Variants in TBC1D5 observed in about 807,000 individuals in gnomAD.
The protein encoded by TBC1D5 is TBC1 domain family member 5.
A neutral mutation model predicts 100.3 loss-of-function variants in TBC1D5; 75 were observed. That is an observed-to-expected ratio of 0.75 (90% CI 0.62 to 0.91). TBC1D5 has a LOEUF of 0.91. Among genes scored for constraint, TBC1D5 ranks in the 40% least tolerant of loss-of-function variants. The pLI is 0.00. For synonymous variants in TBC1D5, 323 were observed against 325.6 expected, an observed-to-expected ratio of 0.99 and a Z score of 0.09; for missense variants, 910 against 942.4, an observed-to-expected ratio of 0.97 and a Z score of 0.45.
At chr3:17,233,593 G>A (rs1044447291) in intron 17 of TBC1D5, 92 bp downstream of exon 18, 1 of 707,104 alleles carries the variant, frequency 1.4e-6, no homozygotes, top group Non-Finnish European at 2.4e-6. Context: ...ATGAATGGAG[G>A]GTGGGCAAAA....
chr3:17,239,909 T>C (rs1201635429), intron 16 of TBC1D5, among the ~76,000 whole-genome samples: 1 of 152,200 alleles, frequency 6.6e-6, no homozygotes, highest in African/African-American at 2.4e-5. Context: ...ATTGCCCAAA[T>C]CATTAATAGA....
At chr3:17,365,259 A>G (rs980771989) in intron 13 of TBC1D5, among the ~76,000 whole-genome samples, 1 of 152,142 alleles carries the variant, frequency 6.6e-6, no homozygotes, top group Admixed American at 6.5e-5. Flanking sequence ...TCTCAGTGGG[A>G]AAAGCATATT....
chr3:17,592,999 G>C (rs896263043), intron 2 of TBC1D5, among the ~76,000 whole-genome samples: 1 of 152,164 alleles, frequency 6.6e-6, no homozygotes, highest in Non-Finnish European at 1.5e-5. Flanking sequence ...GTCGTGCACA[G>C]AAGCATTATA....
intron 2 of TBC1D5, among the ~76,000 whole-genome samples, chr3:17,548,976 T>A (rs1442605769): frequency 6.6e-6 from 1 of 152,222 alleles, no homozygotes; most frequent in African/African-American, 2.4e-5. Flanking sequence ...TTATTAATTT[T>A]AAACTACTTC....
chr3:17,161,130 G>C, exon 22 of TBC1D5: 1 of 1,614,222 alleles, frequency 6.2e-7, no homozygotes, highest in Non-Finnish European at 8.5e-7. Context: ...GTGCTTCTGA[G>C]GGTGCGAAGA....
At chr3:17,621,628 C>T (rs1044068703) in intron 2 of TBC1D5, among the ~76,000 whole-genome samples, 1 of 152,150 alleles carries the variant, frequency 6.6e-6, no homozygotes, top group Non-Finnish European at 1.5e-5. Flanking sequence ...GTCCTTTCCT[C>T]TGTTTCCCCT....
intron 17 of TBC1D5, among the ~76,000 whole-genome samples, chr3:17,234,891 C>T (rs2075737319): frequency 6.6e-6 from 1 of 152,100 alleles, no homozygotes; most frequent in Non-Finnish European, 1.5e-5. Flanking sequence ...TAACAGTACA[C>T]ACATTTAGTC....
At chr3:17,658,790 G>A (rs2066355870) in intron 1 of TBC1D5, among the ~76,000 whole-genome samples, 1 of 152,116 alleles carries the variant, frequency 6.6e-6, no homozygotes, top group Non-Finnish European at 1.5e-5. Context: ...AGCCTCCCGA[G>A]TAGCTGGGAT....
At position 17,223,050 on chromosome 3, in the gene TBC1D5, G is replaced by A. The variant is rs534986477; in HGVS notation, c.1589-8680C>T. ...TGTCTTGAATATTTTCTGAAGGGGG[G>A]AAGGCATTATATATCAAATCTAATT... On this transcript the variant is annotated intron_variant, in intron 17 of 21. Coordinates refer to ENST00000253692, the Ensembl canonical transcript of TBC1D5. 2.0e-5 allele frequency among the ~76,000 whole-genome samples: 3 copies of A among 152,108 alleles called. No individual in the cohort carries two copies. The South Asian group carries it at 6.2e-4, about 32-fold the overall frequency.
intron 3 of TBC1D5, among the ~76,000 whole-genome samples, chr3:17,455,298 A>G (rs1160277307): frequency 1.5e-3 from 216 of 146,266 alleles, no homozygotes; most frequent in African/African-American, 5.4e-3. Context: ...GTATATATGT[A>G]TGTATATATG....
chr3:17,415,068 G>C (rs1446464280), intron 4 of TBC1D5, among the ~76,000 whole-genome samples: 2 of 152,106 alleles, frequency 1.3e-5, no homozygotes, highest in Non-Finnish European at 2.9e-5. Flanking sequence ...GAAACCTTGA[G>C]CCTTCACCTT....
intron 3 of TBC1D5, among the ~76,000 whole-genome samples, chr3:17,434,799 G>C (rs2149448484): frequency 6.6e-6 from 1 of 152,258 alleles, no homozygotes. Context: ...CAGTGGGCTT[G>C]TAATTCTCCC....
intron 1 of TBC1D5, among the ~76,000 whole-genome samples, chr3:17,672,893 T>C (rs1382529550): frequency 6.6e-6 from 1 of 152,172 alleles, no homozygotes; most frequent in Non-Finnish European, 1.5e-5. Context: ...AAGAAGTCTA[T>C]GCAAAGTATC....
At chr3:17,721,965 G>A (rs1377289021) in intron 1 of TBC1D5, among the ~76,000 whole-genome samples, 1 of 152,134 alleles carries the variant, frequency 6.6e-6, no homozygotes, top group Non-Finnish European at 1.5e-5. Context: ...CTGGGCGACA[G>A]AGCAAGACAC....
At chr3:17,448,219 T>C (rs1302895328) in intron 3 of TBC1D5, among the ~76,000 whole-genome samples, 1 of 152,240 alleles carries the variant, frequency 6.6e-6, no homozygotes, top group Non-Finnish European at 1.5e-5. Flanking sequence ...CCGCTTCTAA[T>C]TCCAGTTCTC....
intron 1 of TBC1D5, among the ~76,000 whole-genome samples, chr3:17,729,773 A>G (rs1343198735): frequency 6.6e-6 from 1 of 152,090 alleles, no homozygotes; most frequent in Non-Finnish European, 1.5e-5. Flanking sequence ...ATTAAGTAAA[A>G]TTGTTCAAGA....
chr3:17,733,261 C>A (rs2153989698), intron 1 of TBC1D5, among the ~76,000 whole-genome samples: 1 of 152,290 alleles, frequency 6.6e-6, no homozygotes, highest in Non-Finnish European at 1.5e-5. Flanking sequence ...CTTCTATTAA[C>A]CTCAGTTCTG....
rs752040030 is a variant in TBC1D5 at position 17,404,839 on chromosome 3, C to T, written c.366+33G>A. The T allele has an allele frequency of 7.1e-6, 11 of 1,559,318 alleles. No homozygotes were observed. In the South Asian group the frequency reaches 1.3e-4, roughly 18 times the overall value. ...GGACTTTAAAGTGTACATAAGAAAACAATTACATTAATTAAATATACTATT... is the reference window on the plus strand; with the variant it reads ...GGACTTTAAAGTGTACATAAGAAAATAATTACATTAATTAAATATACTATT... On this transcript the variant is annotated intron_variant, in intron 6 of 21. Transcript: ENST00000253692.
intron 3 of TBC1D5, among the ~76,000 whole-genome samples, chr3:17,450,029 G>C (rs902292938): frequency 6.6e-6 from 1 of 152,156 alleles, no homozygotes; most frequent in African/African-American, 2.4e-5. Flanking sequence ...AGTTTCCAGA[G>C]GAAGGGGCAG....
Sources: allele counts gnomAD v4.1 joint callset (sites outside exome capture counted in the v4.1 genomes callset), GRCh38; gene constraint gnomAD v4.1.1; transcripts MANE v1.5; gene names NCBI Gene and HGNC (gene_info 2026-07-23, HGNC 2026-07-21).